TACR3: variants seen among roughly 807,000 people sequenced by gnomAD.
TACR3 encodes neuromedin-K receptor.
In TACR3, 34 loss-of-function variants were observed where a neutral mutation model predicts 35.0. The ratio of observed to expected loss-of-function variants is 0.97; its 90% CI spans 0.74 to 1.30. The LOEUF (loss-of-function observed/expected upper bound fraction) is 1.30. Ranked by LOEUF, TACR3 falls within the 50% of genes most tolerant of loss-of-function variation. The pLI is 0.00. For missense variants in TACR3, 558 were observed against 591.7 expected (o/e 0.94, Z 0.59); for synonymous variants, 233 against 221.1 (o/e 1.05, Z -0.48).
At chr4:103,627,352 T>TAAAAATACAAAAA (rs1271100817) in intron 3 of TACR3, among the ~76,000 whole-genome samples, 2 of 82,476 alleles carry the variant, frequency 2.4e-5, no homozygotes, top group African/African-American at 4.8e-5. Flanking sequence ...GTGTTTCCAT[T>TAAAAATACAAAAA]AAAAAAAAAA....
chr4:103,666,374 G>A (rs1190096670), intron 1 of TACR3, among the ~76,000 whole-genome samples: 1 of 152,082 alleles, frequency 6.6e-6, no homozygotes, highest in East Asian at 1.9e-4. Flanking sequence ...GAGTGCATTT[G>A]GGGAACTATG....
At chr4:103,598,674 C>G (rs1178979472) in intron 3 of TACR3, among the ~76,000 whole-genome samples, 1 of 152,138 alleles carries the variant, frequency 6.6e-6, no homozygotes, top group Non-Finnish European at 1.5e-5. Context: ...CTACATATGG[C>G]TAGCCAGTTT....
intron 1 of TACR3, among the ~76,000 whole-genome samples, chr4:103,681,548 G>C (rs1722089845): frequency 6.6e-6 from 1 of 152,000 alleles, no homozygotes; most frequent in African/African-American, 2.4e-5. Context: ...AATGCTTAAA[G>C]GATCAATTTA....
At chr4:103,643,969 ATCTTT>A (rs1431710999) in intron 3 of TACR3, among the ~76,000 whole-genome samples, 1 of 151,750 alleles carries the variant, frequency 6.6e-6, no homozygotes, top group African/African-American at 2.4e-5. Context: ...CCTAATGTTT[ATCTTT>A]TCTTATCTTT....
At chr4:103,617,906 TG>T (rs1724696833) in intron 3 of TACR3, among the ~76,000 whole-genome samples, 1 of 152,128 alleles carries the variant, frequency 6.6e-6, no homozygotes, top group Non-Finnish European at 1.5e-5. Flanking sequence ...ATCAGGCACC[TG>T]GGGGAAGGTA....
intron 3 of TACR3, among the ~76,000 whole-genome samples, chr4:103,647,669 A>G (rs1361127117): frequency 6.6e-6 from 1 of 151,960 alleles, no homozygotes; most frequent in African/African-American, 2.4e-5. Flanking sequence ...CCTTTAAAGT[A>G]TAGGGATTTT....
intron 3 of TACR3, among the ~76,000 whole-genome samples, chr4:103,598,698 G>A (rs184750803): frequency 0.015 from 2,216 of 152,112 alleles, 49 homozygotes; most frequent in African/African-American, 0.051. Flanking sequence ...CAGCACCATT[G>A]ATTAAATAGG....
chr4:103,594,089 T>C (rs1723951366), intron 3 of TACR3, among the ~76,000 whole-genome samples: 1 of 152,186 alleles, frequency 6.6e-6, no homozygotes, highest in Non-Finnish European at 1.5e-5. Context: ...TCATTTAAGA[T>C]GGACATGTGT....
intron 1 of TACR3, among the ~76,000 whole-genome samples, chr4:103,659,099 TCAGGCAGTAATG>T (rs976280972): frequency 6.6e-6 from 1 of 152,148 alleles, no homozygotes; most frequent in Non-Finnish European, 1.5e-5. Flanking sequence ...GAGGCGGAGC[TCAGGCAGTAATG>T]CAGCACTGGG....
At chr4:103,622,966 G>A (rs6835480) in intron 3 of TACR3, among the ~76,000 whole-genome samples, 19,675 of 151,958 alleles carry the variant, frequency 0.13, 1,430 homozygotes, top group Middle Eastern at 0.22. Flanking sequence ...ATGAATCAGA[G>A]GGCAAAATTT....
intron 1 of TACR3, among the ~76,000 whole-genome samples, chr4:103,684,707 A>G (rs1231659439): frequency 6.6e-6 from 1 of 152,034 alleles, no homozygotes; most frequent in Non-Finnish European, 1.5e-5. Context: ...CTCGTTCTAA[A>G]ATATCTATTA....
chr4:103,629,862 A>AAAAAAC (rs1725011340), intron 3 of TACR3, among the ~76,000 whole-genome samples: 4 of 111,560 alleles, frequency 3.6e-5, no homozygotes, highest in South Asian at 2.8e-4. Flanking sequence ...AAAAAAAAAC[A>AAAAAAC]AAAAAAAAAC....
At chr4:103,693,698 G>T (rs537038313) in intron 1 of TACR3, among the ~76,000 whole-genome samples, 1 of 151,780 alleles carries the variant, frequency 6.6e-6, no homozygotes, top group Non-Finnish European at 1.5e-5. Context: ...AATACTTAAA[G>T]GTTTGCTTTA....
intron 1 of TACR3, among the ~76,000 whole-genome samples, chr4:103,716,933 C>T (rs902983034): frequency 7.9e-5 from 12 of 152,090 alleles, no homozygotes; most frequent in African/African-American, 2.7e-4. Flanking sequence ...GCAGAAGGCA[C>T]CATGATTCAG....
chr4:103,622,092 C>T (rs560315354), intron 3 of TACR3, among the ~76,000 whole-genome samples: 3 of 152,162 alleles, frequency 2.0e-5, no homozygotes, highest in East Asian at 3.9e-4. Flanking sequence ...GGAGACTTCT[C>T]GAAGGGGGAG....
intron 1 of TACR3, among the ~76,000 whole-genome samples, chr4:103,680,486 T>TAC (rs925772883): frequency 1.4e-5 from 2 of 141,374 alleles, no homozygotes; most frequent in Non-Finnish European, 1.5e-5. Flanking sequence ...TATATATATA[T>TAC]ACATACATAC....
At chr4:103,668,960 ATT>A (rs1725995630) in intron 1 of TACR3, among the ~76,000 whole-genome samples, 1 of 151,958 alleles carries the variant, frequency 6.6e-6, no homozygotes, top group African/African-American at 2.4e-5. Context: ...CAGCTCAAGG[ATT>A]TATCATTTCT....
chr4:103,594,758 A>C (rs966547620), intron 3 of TACR3, among the ~76,000 whole-genome samples: 1 of 152,206 alleles, frequency 6.6e-6, no homozygotes, highest in African/African-American at 2.4e-5. Flanking sequence ...CAGAGACTTC[A>C]GATAGCTTTT....
intron 1 of TACR3, among the ~76,000 whole-genome samples, chr4:103,708,172 G>C (rs1285756636): frequency 1.3e-5 from 2 of 152,198 alleles, no homozygotes; most frequent in African/African-American, 4.8e-5. Flanking sequence ...CCAGCAGGGA[G>C]TTTGAGATCT....
Sources: gnomAD v4.1 joint callset for allele counts (sites outside exome capture counted in the v4.1 genomes callset) on GRCh38, gnomAD v4.1.1 for gene constraint, MANE v1.5 for transcripts, NCBI Gene and HGNC (gene_info 2026-07-23, HGNC 2026-07-21) for gene names.